The following ALG6 variants were observed in gnomAD, a reference collection of about 807,000 sequenced individuals.
ALG6 encodes the protein ALG6 alpha-1,3-glucosyltransferase.
A neutral mutation model predicts 66.6 loss-of-function variants in ALG6; 46 were observed. The ratio of observed to expected loss-of-function variants is 0.69; its 90% confidence interval spans 0.55 to 0.88. The LOEUF (loss-of-function observed/expected upper bound fraction) is 0.88. Ranked by LOEUF, ALG6 falls within the 40% of genes least tolerant of loss-of-function variation. The probability of loss-of-function intolerance (pLI) is 0.00; values close to 1 mark genes in which losing one functional copy is unlikely to be tolerated. For missense variants in ALG6, 505 were observed against 586.8 expected, an observed-to-expected ratio of 0.86 and a Z score of 1.44; for synonymous variants, 185 against 203.7, an observed-to-expected ratio of 0.91 and a Z score of 0.78.
intron 2 of ALG6, among the ~76,000 whole-genome samples, chr1:63,374,111 G>T (rs1204363525): frequency 6.6e-6 from 1 of 152,112 alleles, no homozygotes; most frequent in South Asian, 2.1e-4. Flanking sequence ...AATGACAACT[G>T]GGATTCAAAT....
intron 12 of ALG6, among the ~76,000 whole-genome samples, chr1:63,422,054 A>C (rs1434745625): frequency 2.2e-5 from 3 of 139,496 alleles, no homozygotes; most frequent in South Asian, 2.1e-4. Flanking sequence ...TTTATATATA[A>C]ATATCTATTT....
intron 3 of ALG6, among the ~76,000 whole-genome samples, chr1:63,397,420 C>T (rs755450662): frequency 1.3e-5 from 2 of 152,030 alleles, no homozygotes; most frequent in Admixed American, 1.3e-4. Context: ...CTCCTAACCT[C>T]GTGATCCACC....
rs776250180 is a variant in ALG6 at position 63,406,274 on chromosome 1, TC to T, written c.347-41del. 1.9e-6 allele frequency: 3 copies of T among 1,554,864 alleles called. No homozygotes were observed. The East Asian group carries it at 6.7e-5, about 35-fold the overall frequency. On this transcript the variant is annotated intron_variant, in intron 5 of 14. Coordinates refer to ENST00000263440, the MANE Select transcript of ALG6 (RefSeq NM_013339.4). ...GAGGCAGTTAATGGGTAGCTGTAAA[TC>T]CTGATGGACTCATGTTTAAAGTTAT...
intron 2 of ALG6, among the ~76,000 whole-genome samples, chr1:63,372,774 C>T (rs1355576083): frequency 6.6e-6 from 1 of 151,916 alleles, no homozygotes; most frequent in African/African-American, 2.4e-5. Context: ...ATTCTCCTGC[C>T]TCAGCCTCCT....
Position 63,382,641 on chromosome 1 carries a change from G to GT in ALG6, c.82+11591dup, listed in dbSNP as rs146212470. Among the ~76,000 whole-genome samples, 286 of 50,992 alleles carry GT rather than the reference G, an allele frequency of 5.6e-3. 4 individuals are homozygous for GT. The highest frequency in any genetic ancestry group is 5.5e-3 in the Admixed American group (22 of 3,998). The allele number at this position is 50,992 out of a possible 152,430, so 33.5% of individuals were successfully genotyped here. A position where few individuals can be genotyped will look rare whatever the true frequency, so the allele number is the denominator to read the frequency against. ...GGCACGTGCCACCATGCCTGGCTAAGTTTTTTTTTGTTTGTTTTTTTTTGT... is the reference window on the plus strand; with the variant it reads ...GGCACGTGCCACCATGCCTGGCTAAGTTTTTTTTTTGTTTGTTTTTTTTTGT... On this transcript the variant is annotated intron_variant, in intron 2 of 14. Coordinates refer to ENST00000263440, the MANE Select transcript of ALG6 (RefSeq NM_013339.4).
intron 2 of ALG6, among the ~76,000 whole-genome samples, chr1:63,392,053 A>T (rs887693218): frequency 6.6e-6 from 1 of 152,160 alleles, no homozygotes; most frequent in Admixed American, 6.5e-5. Context: ...TGGCTGTTTG[A>T]TGAGAAAGTT....
At chr1:63,403,094 CAAAAAAAA>C (rs1160526296) in intron 4 of ALG6, among the ~76,000 whole-genome samples, 2 of 65,322 alleles carry the variant, frequency 3.1e-5, no homozygotes, top group African/African-American at 5.7e-5. Flanking sequence ...GACTCCATCT[CAAAAAAAA>C]AAAAAAAAAA....
At chr1:63,435,993 A>G (rs762902674) in intron 14 of ALG6, among the ~76,000 whole-genome samples, 6 of 152,138 alleles carry the variant, frequency 3.9e-5, no homozygotes, top group Non-Finnish European at 8.8e-5. Flanking sequence ...TTTATTTAAC[A>G]TTCCCCTCAG....
intron 12 of ALG6, among the ~76,000 whole-genome samples, chr1:63,427,359 A>T (rs751925501): frequency 6.6e-6 from 1 of 151,876 alleles, no homozygotes; most frequent in Non-Finnish European, 1.5e-5. Context: ...CAGGGTTTAA[A>T]TCTCATATAT....
chr1:63,412,159 A>G, intron 9 of ALG6, 98 bp downstream of exon 9: 2 of 1,524,588 alleles, frequency 1.3e-6, no homozygotes, highest in Non-Finnish European at 1.8e-6. Flanking sequence ...AACTTCAGCT[A>G]CTTTCCTCCT....
rs1644443524 is a variant in ALG6, at chr1:63,400,237, ATATATACG to A, written c.168-2010_168-2003del. 3.3e-4 allele frequency among the ~76,000 whole-genome samples: 6 copies of A among 18,094 alleles called. 1 individual carries two copies. Among genetic ancestry groups the A allele is most frequent in the African/African-American group, 1.6e-3 (4 of 2,504 alleles). The allele number at this position is 18,094 out of a possible 152,430, so 11.9% of individuals were successfully genotyped here. ...TATATATATACGTATATATATATAT[ATATATACG>A]TATATATATGTATATATATATACGT... On this transcript the variant is annotated intron_variant, in intron 3 of 14. Coordinates refer to ENST00000263440, the MANE Select transcript of ALG6 (RefSeq NM_013339.4).
At chr1:63,372,160 G>A (rs1051885202) in intron 2 of ALG6, among the ~76,000 whole-genome samples, 4 of 152,166 alleles carry the variant, frequency 2.6e-5, no homozygotes, top group African/African-American at 9.7e-5. Flanking sequence ...TATAAGTATT[G>A]TATTTGAGTT....
At chr1:63,405,283 C>T (rs1266084367) in intron 5 of ALG6, among the ~76,000 whole-genome samples, 3 of 152,160 alleles carry the variant, frequency 2.0e-5, no homozygotes, top group Non-Finnish European at 1.5e-5. Context: ...ACCACATACA[C>T]ACCATGTGAT....
At chr1:63,400,581 A>G (rs1020149972) in intron 3 of ALG6, among the ~76,000 whole-genome samples, 9 of 151,628 alleles carry the variant, frequency 5.9e-5, no homozygotes, top group Non-Finnish European at 1.2e-4. Context: ...TTTAGTATAT[A>G]TCATTGCATG....
At position 63,400,361 on chromosome 1, in the gene ALG6, G is replaced by GTA. The variant is rs1237972854; in HGVS notation, c.168-1885_168-1884dup. ...CGTATATATATATGTATATATATAT[G>GTA]TATATATATGTATATATATATAAAA... On this transcript the variant is annotated intron_variant, in intron 3 of 14. Transcript: ENST00000263440. 6.5e-3 allele frequency among the ~76,000 whole-genome samples: 661 copies of GTA among 101,160 alleles called. 111 individuals are homozygous for GTA. Among genetic ancestry groups the GTA allele is most frequent in the African/African-American group, 0.03 (633 of 20,818 alleles). 66.4% of individuals were successfully genotyped at this position (101,160 alleles called of 152,430 possible). A position where few individuals can be genotyped will look rare whatever the true frequency, so the allele number is the denominator to read the frequency against.
At chr1:63,411,009 T>C (rs1644512845) in intron 7 of ALG6, 137 bp from the exon 8 acceptor site, 1 of 810,852 alleles carries the variant, frequency 1.2e-6, no homozygotes, top group Non-Finnish European at 2.0e-6. Context: ...GCTTTCATTG[T>C]ATATGTTATT....
intron 10 of ALG6, 106 bp downstream of exon 10, chr1:63,414,252 TTTC>T: frequency 2.2e-6 from 2 of 899,128 alleles, no homozygotes; most frequent in South Asian, 1.5e-5. Flanking sequence ...GTGTTTTTCT[TTTC>T]TTTTTTTTTT....
intron 2 of ALG6, among the ~76,000 whole-genome samples, chr1:63,380,465 T>C (rs1489682492): frequency 1.3e-5 from 2 of 152,180 alleles, no homozygotes; most frequent in African/African-American, 4.8e-5. Flanking sequence ...TAGTCCATAA[T>C]TGGTCCATTG....
At chr1:63,383,243 TC>T (rs1171082762) in intron 2 of ALG6, among the ~76,000 whole-genome samples, 2 of 152,112 alleles carry the variant, frequency 1.3e-5, no homozygotes, top group African/African-American at 4.8e-5. Context: ...TGCCTCAGCC[TC>T]CCAAGTAGCT....
Sources: allele counts gnomAD v4.1 joint callset (sites outside exome capture counted in the v4.1 genomes callset), GRCh38; gene constraint gnomAD v4.1.1; transcripts MANE v1.5; gene names NCBI Gene and HGNC (gene_info 2026-07-23, HGNC 2026-07-21).